MPI: variants seen among roughly 807,000 people sequenced by gnomAD.
The protein encoded by MPI is mannose phosphate isomerase, also known as mannose-6-phosphate isomerase.
In MPI, 33 loss-of-function variants were observed where a neutral mutation model predicts 40.1. The ratio of observed to expected loss-of-function variants is 0.82; its 90% confidence interval spans 0.62 to 1.10. The LOEUF (loss-of-function observed/expected upper bound fraction) is 1.10. MPI is among the 50% of genes least tolerant of loss of function. The pLI is 0.00. For missense variants in MPI, 514 were observed against 524.1 expected (o/e 0.98, Z 0.19); for synonymous variants, 187 against 207.4 (o/e 0.90, Z 0.85).
In MPI at chr15:74,890,182, G is replaced by A. The variant is rs1248475699; in HGVS notation, c.16+93G>A. 4.5e-6 allele frequency: 7 copies of A among 1,548,304 alleles called. No individual in the cohort carries two copies. In the South Asian group the frequency reaches 7.9e-5, roughly 18 times the overall value. On this transcript the variant is annotated intron_variant, in intron 1 of 7. Coordinates refer to ENST00000352410, the MANE Select transcript of MPI (RefSeq NM_002435.3). ...TATCGGCCAGGTTGAGTCCGCTCCT[G>A]GCATTCCGCGGAAAGATGGGTGGGT...
At chr15:74,894,073 T>TG (rs1567267133) in intron 5 of MPI, among the ~76,000 whole-genome samples, 1 of 61,108 alleles carries the variant, frequency 1.6e-5, no homozygotes, top group African/African-American at 6.1e-5. Flanking sequence ...TGTGTGTGTG[T>TG]GTGTGTGTGT....
rs1455339471 is a variant in MPI at position 74,890,078 on chromosome 15, C to CAT, written c.5_6insAT (p.Ala3SerfsTer70). 6.2e-7 allele frequency: 1 copy of CAT among 1,607,606 alleles called. No homozygotes were observed. Among genetic ancestry groups the CAT allele is most frequent in the Non-Finnish European group, 8.5e-7 (1 of 1,179,980 alleles). Reference sequence around the variant, plus strand: ...ATCCTGGTGCAGGGGGCGAGCATGGCCGCTCCGCGAGGTGAGCCATTGGCT... The same window carrying CAT: ...ATCCTGGTGCAGGGGGCGAGCATGGCATCGCTCCGCGAGGTGAGCCATTGGCT... On this transcript the variant is annotated frameshift_variant, in exon 1 of 8. Transcript: ENST00000352410. LOFTEE classifies it high-confidence loss of function.
intron 5 of MPI, among the ~76,000 whole-genome samples, chr15:74,895,011 G>C (rs1276413184): frequency 2.0e-5 from 3 of 150,274 alleles, no homozygotes; most frequent in Non-Finnish European, 4.4e-5. Flanking sequence ...GTGTCACCCA[G>C]GCTGGAGTGC....
In MPI at chr15:74,901,965, A is replaced by C. The variant is rs1002733968; in HGVS notation, c.*4235A>C. The stretch of plus-strand genomic sequence containing the variant: ...CTAAACTCACCCGGACGGTTGGACC[A>C]GTTGGGGATGCCCCAGGTCCAGGGA... On this transcript the variant is annotated 3_prime_UTR_variant, in exon 8 of 8. Transcript: ENST00000352410. The C allele has an allele frequency of 2.5e-5, 10 of 396,910 alleles. No individual in the cohort carries two copies. The highest frequency in any genetic ancestry group is 6.2e-4 in the Middle Eastern group (1 of 1,608). 24.6% of individuals were successfully genotyped at this position (396,910 alleles called of 1,614,324 possible).
rs146006563 is a variant in MPI, at chr15:74,893,270, A to T, written c.620A>T (p.Lys207Met). The T allele has an allele frequency of 1.2e-5, 19 of 1,614,086 alleles. No individual in the cohort carries two copies. In the African/African-American group the frequency reaches 1.5e-4, roughly 12 times the overall value. Residue 207 changes from lysine to methionine, a missense_variant, in exon 5 of 8, where the codon AAG becomes ATG. Lys to Met is a moderately conservative substitution (Grantham distance 95, BLOSUM62 -1). Transcript: ENST00000352410. ...TCCCACCTGATGAAGAGTGAGAAGAAGGTGGTGGTGGAACAGCTCAACCTG... is the reference window on the plus strand; with the variant it reads ...TCCCACCTGATGAAGAGTGAGAAGATGGTGGTGGTGGAACAGCTCAACCTG... ...CFSHLMKSEK[K>M]VVVEQLNLLV...
In MPI at chr15:74,897,739, G is replaced by C; in HGVS notation, c.*9G>C. ...CCTGCTGTCTGCTGTAAAGGCTGCA[G>C]CCTCCCCAGCTCTCCTCTGCCAGCC... is the stretch of plus-strand genomic sequence containing the variant. On this transcript the variant is annotated 3_prime_UTR_variant, in exon 8 of 8. Transcript: ENST00000352410. 3.1e-6 allele frequency: 5 copies of C among 1,612,960 alleles called. No individual in the cohort carries two copies. Among genetic ancestry groups the C allele is most frequent in the Non-Finnish European group, 4.2e-6 (5 of 1,179,678 alleles).
At chr15:74,890,470 G>C in intron 1 of MPI, 57 bp from the exon 2 acceptor site, 1 of 1,612,388 alleles carries the variant, frequency 6.2e-7, no homozygotes, top group East Asian at 2.2e-5. Context: ...GGTTTCCCGG[G>C]ACACTAGGGT....
intron 1 of MPI, 117 bp downstream of exon 1, chr15:74,890,206 G>C: frequency 1.4e-6 from 2 of 1,450,280 alleles, no homozygotes; most frequent in Admixed American, 3.8e-5. Flanking sequence ...AGATGGGTGG[G>C]TGCCGGGCAG....
chr15:74,890,392 G>A (rs997856334), intron 1 of MPI, 135 bp from the exon 2 acceptor site: 4 of 1,157,820 alleles, frequency 3.5e-6, no homozygotes, highest in Non-Finnish European at 3.8e-6. Context: ...GCGGAGGGGG[G>A]TCTCATCCAA....
In MPI at chr15:74,897,621, T is replaced by C; in HGVS notation, c.1163T>C (p.Ile388Thr). 6.2e-7 allele frequency: 1 copy of C among 1,614,098 alleles called. No individual in the cohort carries two copies. The change falls in exon 8 of 8, where the codon ATC (isoleucine) becomes ACC (threonine). Residue 388 changes from isoleucine to threonine, a missense_variant. By Grantham distance (89) the Ile-to-Thr change is moderately conservative (BLOSUM62 -1). Coordinates refer to ENST00000352410, the MANE Select transcript of MPI (RefSeq NM_002435.3). ...IASTPTTQTP[I>T]PLQRGGVLFI... ...AGCACACCCACAACCCAGACACCAA[T>C]CCCTCTGCAACGTGGTGGCGTGCTC...
intron 6 of MPI, chr15:74,896,728 T>G (rs2064823708): frequency 1.6e-6 from 1 of 609,322 alleles, no homozygotes; most frequent in Admixed American, 2.8e-5. Context: ...TGGCTGCTTA[T>G]CCACACATGC....
At chr15:74,893,649 G>T (rs2064759935) in intron 5 of MPI, 1 of 590,350 alleles carries the variant, frequency 1.7e-6, no homozygotes, top group African/African-American at 1.9e-5. Flanking sequence ...CTTGTATCTC[G>T]GGGCTAAAGA....
chr15:74,897,480 G>C (rs1485623571), intron 7 of MPI, 32 bp from the exon 8 acceptor site: 2 of 1,602,004 alleles, frequency 1.2e-6, no homozygotes, highest in African/African-American at 1.3e-5. Flanking sequence ...CAGAGTCTGA[G>C]CTGCACTGCC....
At chr15:74,896,512 G>T in intron 6 of MPI, 187 bp downstream of exon 6, 1 of 723,988 alleles carries the variant, frequency 1.4e-6, no homozygotes, top group Non-Finnish European at 2.5e-6. Flanking sequence ...CATTGAACAC[G>T]CCTTGAATCC....
chr15:74,897,603 C>T lies in MPI; in HGVS notation c.1145C>T (p.Pro382Leu). Residue 382 changes from proline (P) to leucine (L), a missense_variant, in exon 8 of 8, where the codon CCC becomes CTC. Physicochemically the swap from Pro to Leu is moderately conservative, Grantham distance 98. Transcript: ENST00000352410. ...CAGGGGACAGTAATAGCCAGCACAC[C>T]CACAACCCAGACACCAATCCCTCTG... ...MVQGTVIAST[P>L]TTQTPIPLQR... is the part of the protein sequence containing the mutation. The T allele has an allele frequency of 6.2e-7, 1 of 1,614,198 alleles. No individual in the cohort carries two copies. The highest frequency in any genetic ancestry group is 8.5e-7 in the Non-Finnish European group (1 of 1,180,028).
chr15:74,902,076 A>G lies in MPI; in HGVS notation c.*4346A>G, dbSNP rs913260148. 1 of 398,678 alleles carries G rather than the reference A, an allele frequency of 2.5e-6. No homozygotes were observed. Among genetic ancestry groups the G allele is most frequent in the African/African-American group, 2.1e-5 (1 of 48,772 alleles). 24.7% of individuals were successfully genotyped at this position (398,678 alleles called of 1,614,324 possible). ...AGACAGGTGCAACCTGAAGAGGGAC[A>G]AAAGGACTCACTTTATGCTGTCTTG... On this transcript the variant is annotated 3_prime_UTR_variant, in exon 8 of 8. Coordinates refer to ENST00000352410, the MANE Select transcript of MPI (RefSeq NM_002435.3).
intron 1 of MPI, 199 bp downstream of exon 1, chr15:74,890,288 A>G (rs2064704473): frequency 1.1e-6 from 1 of 887,196 alleles, no homozygotes; most frequent in Non-Finnish European, 1.8e-6. Context: ...GCCGTGGGAT[A>G]GGTACCTTCT....
At chr15:74,890,991 C>T (rs1460183118) in intron 2 of MPI, 1 of 565,932 alleles carries the variant, frequency 1.8e-6, no homozygotes, top group East Asian at 4.1e-5. Flanking sequence ...GAGAAAAAGC[C>T]AAAGCATAGG....
In MPI at chr15:74,901,776, T is replaced by C. The variant is rs1311247421; in HGVS notation, c.*4046T>C. The C allele has an allele frequency of 8.2e-6, 2 of 244,332 alleles. No individual in the cohort carries two copies. The highest frequency in any genetic ancestry group is 2.2e-5 in the African/African-American group (1 of 45,088). 15.1% of individuals were successfully genotyped at this position (244,332 alleles called of 1,614,324 possible). A position where few individuals can be genotyped will look rare whatever the true frequency, so the allele number is the denominator to read the frequency against. On this transcript the variant is annotated 3_prime_UTR_variant, in exon 8 of 8. Coordinates refer to ENST00000352410, the MANE Select transcript of MPI (RefSeq NM_002435.3). ...TCCCTGTAGCTCCCTCTGCTGGTAA[T>C]AATAAAAACTGCAGGCTTCTGGGGC...
Sources: allele counts gnomAD v4.1 joint callset (sites outside exome capture counted in the v4.1 genomes callset), GRCh38; gene constraint gnomAD v4.1.1; transcripts MANE v1.5; gene names NCBI Gene and HGNC (gene_info 2026-07-23, HGNC 2026-07-21).